CARHSP1: variants seen among roughly 807,000 people sequenced by gnomAD.
The protein encoded by CARHSP1 is calcium regulated heat stable protein 1.
CARHSP1 carries 14 observed loss-of-function variants against 12.5 expected under a neutral mutation model. The observed-to-expected ratio is 1.12, with a 90% CI of 0.74 to 1.75. The LOEUF (loss-of-function observed/expected upper bound fraction) is 1.75. Among genes scored for constraint, CARHSP1 ranks in the 40% most tolerant of loss-of-function variants. CARHSP1 has a pLI of 0.00. For synonymous variants in CARHSP1, 161 were observed against 82.0 expected (o/e 1.96, Z -5.20); for missense variants, 343 against 201.6 (o/e 1.70, Z -4.25).
chr16:8,866,786 C>T (rs1232965261), intron 1 of CARHSP1, among the ~76,000 whole-genome samples: 2 of 151,536 alleles, frequency 1.3e-5, no homozygotes, highest in Admixed American at 1.3e-4. Context: ...AGGCCGGAGT[C>T]AGCCCTCCGC....
At chr16:8,859,384 C>T (rs756979837) in intron 1 of CARHSP1, 49 bp from the exon 2 acceptor site, 105 of 1,534,418 alleles carry the variant, frequency 6.8e-5, no homozygotes, top group Non-Finnish European at 8.5e-5. Context: ...AAGGTAGGGA[C>T]CCTGTGCTTA....
chr16:8,861,796 A>T (rs1335609164), intron 1 of CARHSP1: 1 of 1,246,280 alleles, frequency 8.0e-7, no homozygotes, highest in Non-Finnish European at 1.0e-6. Context: ...AGCACAGGTC[A>T]TAGAGTCCTA....
intron 1 of CARHSP1, chr16:8,860,272 C>G (rs1455114029): frequency 5.1e-6 from 5 of 983,060 alleles, no homozygotes; most frequent in Non-Finnish European, 6.0e-6. Flanking sequence ...CCAGCTCCAT[C>G]AGGCCCAGTG....
At chr16:8,862,959 ACC>A (rs2141119907) in intron 1 of CARHSP1, among the ~76,000 whole-genome samples, 1 of 151,910 alleles carries the variant, frequency 6.6e-6, no homozygotes, top group South Asian at 2.1e-4. Flanking sequence ...CCCCAAGTGC[ACC>A]CAATCCTTCA....
intron 1 of CARHSP1, among the ~76,000 whole-genome samples, chr16:8,864,807 C>A (rs567984512): frequency 1.3e-5 from 2 of 152,146 alleles, no homozygotes; most frequent in Non-Finnish European, 2.9e-5. Context: ...GGGCCTCGGC[C>A]GAAAATAGCC....
chr16:8,865,074 A>ACTCTAGTAAGAGGGAGCTCCTT (rs1210652712), intron 1 of CARHSP1, among the ~76,000 whole-genome samples: 2 of 151,844 alleles, frequency 1.3e-5, no homozygotes, highest in African/African-American at 2.4e-5. Context: ...AGCCATTTAC[A>ACTCTAGTAAGAGGGAGCTCCTT]CTCTAGTAAG....
intron 1 of CARHSP1, among the ~76,000 whole-genome samples, chr16:8,865,148 G>C (rs1437187046): frequency 6.6e-6 from 1 of 152,158 alleles, no homozygotes; most frequent in African/African-American, 2.4e-5. Context: ...TCCCTCTGTT[G>C]CCCAGGATGG....
intron 3 of CARHSP1, among the ~76,000 whole-genome samples, chr16:8,857,040 G>A (rs2061139294): frequency 6.6e-6 from 1 of 152,136 alleles, no homozygotes; most frequent in Non-Finnish European, 1.5e-5. Flanking sequence ...CTCCCCCAAA[G>A]GAGGGCAGGA....
chr16:8,855,625 G>A (rs1409549696), intron 3 of CARHSP1, among the ~76,000 whole-genome samples: 1 of 152,202 alleles, frequency 6.6e-6, no homozygotes, highest in Non-Finnish European at 1.5e-5. Flanking sequence ...ATGTGGGAGG[G>A]AGCCTGGGCT....
intron 2 of CARHSP1, chr16:8,858,709 AAG>A (rs1425520985): frequency 3.7e-6 from 2 of 534,762 alleles, no homozygotes; most frequent in Non-Finnish European, 6.6e-6. Flanking sequence ...CCCTCCTGGA[AAG>A]AGGGAGTTGA....
chr16:8,861,590 T>C, intron 1 of CARHSP1: 1 of 1,284,244 alleles, frequency 7.8e-7, no homozygotes, highest in Middle Eastern at 2.1e-4. Context: ...ATTGCTGCAC[T>C]CTCCCGTTGG....
At position 8,862,844 on chromosome 16, in the gene CARHSP1, T is replaced by C. The variant is rs540397787; in HGVS notation, c.-7-3509A>G. ...ATCATCACTGTCATTGTCACCATCG[T>C]CGTCCTCCTTGCATCTTCCATTTGT... On this transcript the variant is annotated intron_variant, in intron 1 of 3. Coordinates refer to ENST00000311052, the MANE Select transcript of CARHSP1 (RefSeq NM_014316.4). Among the ~76,000 whole-genome samples the C allele has an allele frequency of 2.0e-4, 30 of 152,174 alleles. No homozygotes were observed. In the East Asian group the frequency reaches 5.6e-3, roughly 28 times the overall value.
intron 1 of CARHSP1, among the ~76,000 whole-genome samples, chr16:8,864,916 G>A (rs958553894): frequency 1.3e-5 from 2 of 152,132 alleles, no homozygotes; most frequent in African/African-American, 2.4e-5. Flanking sequence ...CAGCCTGCCC[G>A]CATGTCTGGA....
At chr16:8,855,447 G>C (rs2061068802) in intron 3 of CARHSP1, 121 bp from the exon 4 acceptor site, 4 of 837,136 alleles carry the variant, frequency 4.8e-6, no homozygotes, top group Admixed American at 7.5e-5. Flanking sequence ...CCAACCACCG[G>C]GAACCTCTTT....
At chr16:8,866,661 G>A (rs1043271438) in intron 1 of CARHSP1, among the ~76,000 whole-genome samples, 4 of 151,850 alleles carry the variant, frequency 2.6e-5, no homozygotes, top group African/African-American at 9.7e-5. Flanking sequence ...TTGTTCCGGG[G>A]AGAGCGGGGG....
At chr16:8,865,487 C>T (rs2061439859) in intron 1 of CARHSP1, among the ~76,000 whole-genome samples, 1 of 152,214 alleles carries the variant, frequency 6.6e-6, no homozygotes, top group South Asian at 2.1e-4. Context: ...GAGTTCAAGT[C>T]AGACACCTCA....
chr16:8,857,263 G>GTTTTTTGTTTTTTTTTT lies in CARHSP1; in HGVS notation c.281+1086_281+1087insAAAAAAAAAACAAAAAA, dbSNP rs1315960023. Among the ~76,000 whole-genome samples the GTTTTTTGTTTTTTTTTT allele has an allele frequency of 1.9e-3, 108 of 57,038 alleles. 7 individuals carry two copies. The highest frequency in any genetic ancestry group is 2.8e-3 in the Non-Finnish European group (74 of 26,900). 37.4% of individuals were successfully genotyped at this position (57,038 alleles called of 152,430 possible). A position where few individuals can be genotyped will look rare whatever the true frequency, so the allele number is the denominator to read the frequency against. On this transcript the variant is annotated intron_variant, in intron 3 of 3. Transcript: ENST00000311052. ...TGGCTATGTGATCTTGGGCAGATCT[G>GTTTTTTGTTTTTTTTTT]TTTTTTTTTTTTTTTTTTTTTTTTT... is the stretch of plus-strand genomic sequence containing the variant.
chr16:8,855,473 TCCACCAGAGGGAGCTGCCACA>T (rs2061069783), intron 3 of CARHSP1, 147 bp from the exon 4 acceptor site: 1 of 636,956 alleles, frequency 1.6e-6, no homozygotes, highest in Admixed American at 3.8e-5. Flanking sequence ...GAACTGCCCC[TCCACCAGAGGGAGCTGCCACA>T]CTGCCCCCAG....
rs146972299 is a variant in CARHSP1, at chr16:8,853,414, C to G, written c.*1750G>C. On this transcript the variant is annotated 3_prime_UTR_variant, in exon 4 of 4. Transcript: ENST00000311052. ...GAGGATGTACAAGGAGCATCGCAGGCGAGGAAACAATGGCCAGGACCTAAC... is the reference window on the plus strand; with the variant it reads ...GAGGATGTACAAGGAGCATCGCAGGGGAGGAAACAATGGCCAGGACCTAAC... 1 of 137,922 alleles carries G rather than the reference C, an allele frequency of 7.3e-6. No homozygotes were observed. The highest frequency in any genetic ancestry group is 1.6e-5 in the Non-Finnish European group (1 of 63,486). 8.5% of individuals were successfully genotyped at this position (137,922 alleles called of 1,614,324 possible).
Sources: allele counts gnomAD v4.1 joint callset (sites outside exome capture counted in the v4.1 genomes callset), GRCh38; gene constraint gnomAD v4.1.1; transcripts MANE v1.5; gene names NCBI Gene and HGNC (gene_info 2026-07-23, HGNC 2026-07-21).